The following NBPF12 variants were observed in gnomAD, a reference collection of about 807,000 sequenced individuals.
The protein encoded by NBPF12 is NBPF member 12.
Under a neutral mutation model 146.4 loss-of-function variants are expected in NBPF12, and 115 were observed. The ratio of observed to expected loss-of-function variants is 0.79; its 90% CI spans 0.68 to 0.92. The LOEUF (loss-of-function observed/expected upper bound fraction) is 0.92. Ranked by LOEUF, NBPF12 falls within the 40% of genes least tolerant of loss-of-function variation. NBPF12 has a pLI of 0.00. For synonymous variants in NBPF12, 385 were observed against 508.9 expected, an observed-to-expected ratio of 0.76 and a Z score of 3.28; for missense variants, 1,205 against 1,326.8, an observed-to-expected ratio of 0.91 and a Z score of 1.43.
At chr1:146,972,480 G>C (rs1424926574) in intron 13 of NBPF12, among the ~76,000 whole-genome samples, 2 of 151,526 alleles carry the variant, frequency 1.3e-5, no homozygotes, top group East Asian at 3.9e-4. Context: ...GGCCACTCAT[G>C]GGGTAAAAAT....
At position 146,969,988 on chromosome 1, in the gene NBPF12, G is replaced by C. The variant is rs1256480052; in HGVS notation, c.1306+392G>C. On this transcript the variant is annotated intron_variant, in intron 11 of 33. Transcript: ENST00000617844. ...GGTGAGTGAGTGATTTATCTTTCCA[G>C]AGTTTCTCTCTCTCCATCTGCAAAG... is the stretch of plus-strand genomic sequence containing the variant. Among the ~76,000 whole-genome samples the C allele has an allele frequency of 4.7e-4, 70 of 150,276 alleles. 1 individual carries two copies. The highest frequency in any genetic ancestry group is 9.0e-4 in the Non-Finnish European group (61 of 67,888).
chr1:146,975,393 G>A (rs1186020353), intron 15 of NBPF12, among the ~76,000 whole-genome samples: 2 of 148,770 alleles, frequency 1.3e-5, no homozygotes, highest in East Asian at 2.0e-4. Context: ...GAACTGAAAG[G>A]ATGTCTTTTT....
chr1:146,964,492 A>G (rs1322920251), intron 7 of NBPF12, 63 bp downstream of exon 10: 60 of 1,590,536 alleles, frequency 3.8e-5, no homozygotes, highest in Middle Eastern at 2.2e-4. Context: ...TAGAAGGCAC[A>G]CCCTCTCTGG....
Position 146,984,746 on chromosome 1 carries a change from A to G in NBPF12, c.2667-67A>G, listed in dbSNP as rs1315951492. On this transcript the variant is annotated intron_variant, in intron 21 of 33. Coordinates refer to ENST00000617844, the Ensembl canonical transcript of NBPF12. The stretch of plus-strand genomic sequence containing the variant: ...AACTCTTCCTTATGTTAGCCATGAA[A>G]TCTAGCTGGGGCTGTGTGGTTTCTG... 7.8e-5 allele frequency: 64 copies of G among 822,460 alleles called. No individual in the cohort carries two copies. In the East Asian group the frequency reaches 1.6e-3, roughly 20 times the overall value. The allele number at this position is 822,460 out of a possible 1,614,324, so 50.9% of individuals were successfully genotyped here.
chr1:146,960,186 A>G (rs1655765556), exon 4 of NBPF12: 9 of 744,186 alleles, frequency 1.2e-5, no homozygotes, highest in Non-Finnish European at 2.1e-5. Context: ...GAAGGCAGAG[A>G]TGAACATTCT....
rs587666602 is a variant in NBPF12, at chr1:146,994,666, G to A, written c.*91G>A. The A allele has an allele frequency of 5.1e-6, 8 of 1,566,882 alleles. No homozygotes were observed. In the South Asian group the frequency reaches 5.8e-5, roughly 11 times the overall value. ...AATGAAACTATAGTTCCATTTGGAA[G>A]CCCAGACATAGGATGGGTCAGTGGG... On this transcript the variant is annotated 3_prime_UTR_variant, in exon 34 of 34. Transcript: ENST00000617844.
chr1:146,969,998 C>T (rs1250345365), intron 11 of NBPF12, among the ~76,000 whole-genome samples: 3 of 150,142 alleles, frequency 2.0e-5, no homozygotes, highest in South Asian at 4.2e-4. Context: ...GAGTTTCTCT[C>T]TCTCCATCTG....
intron 4 of NBPF12, among the ~76,000 whole-genome samples, chr1:146,961,392 A>C (rs1453420948): frequency 6.6e-6 from 1 of 151,730 alleles, no homozygotes; most frequent in African/African-American, 2.4e-5. Context: ...TTCAGAGGGT[A>C]CTACAATAAT....
upstream of NBPF12, among the ~76,000 whole-genome samples, chr1:146,946,416 T>G (rs1655069361): frequency 6.6e-6 from 1 of 151,468 alleles, no homozygotes; most frequent in South Asian, 2.1e-4. Context: ...CTCGTTGTTT[T>G]AATGTGCAAT....
In NBPF12 at chr1:146,964,879, A is replaced by T; in HGVS notation, c.567-14A>T. 1 of 1,559,318 alleles carries T rather than the reference A, an allele frequency of 6.4e-7. No individual in the cohort carries two copies. The highest frequency in any genetic ancestry group is 8.8e-7 in the Non-Finnish European group (1 of 1,133,976). On this transcript the variant is annotated splice_polypyrimidine_tract_variant and intron_variant, in intron 7 of 33. Coordinates refer to ENST00000617844, the Ensembl canonical transcript of NBPF12. Reference sequence around the variant, plus strand: ...TTTAATCTTCTGTCATCTCTGTCCCACCTGGCTCATCAGGGAGGTGCAGAA... The same window carrying T: ...TTTAATCTTCTGTCATCTCTGTCCCTCCTGGCTCATCAGGGAGGTGCAGAA...
At chr1:146,972,802 G>A (rs1260599804) in exon 14 of NBPF12, 3 of 1,333,356 alleles carry the variant, frequency 2.2e-6, no homozygotes, top group Non-Finnish European at 3.2e-6. Flanking sequence ...GTATCAGCCG[G>A]CCCTTTGTCC....
At chr1:146,956,563 A>T (rs1655599256) in intron 2 of NBPF12, among the ~76,000 whole-genome samples, 1 of 151,814 alleles carries the variant, frequency 6.6e-6, no homozygotes, top group African/African-American at 2.4e-5. Context: ...AGCAGCTAGA[A>T]AATGAAATTC....
upstream of NBPF12, among the ~76,000 whole-genome samples, chr1:146,948,255 C>T (rs1227397258): frequency 1.3e-5 from 2 of 151,636 alleles, no homozygotes; most frequent in East Asian, 1.9e-4. Flanking sequence ...AAGTGATCCA[C>T]CTGCTTGGCC....
At chr1:146,965,864 T>G (rs1656169348) in intron 8 of NBPF12, among the ~76,000 whole-genome samples, 1 of 143,594 alleles carries the variant, frequency 7.0e-6, no homozygotes, top group South Asian at 2.3e-4. Context: ...TCCCAGCACT[T>G]TGAGAGGCCG....
At chr1:146,944,916 C>A (rs1654958024), upstream of NBPF12, among the ~76,000 whole-genome samples, 1 of 123,850 alleles carries the variant, frequency 8.1e-6, no homozygotes, top group Non-Finnish European at 1.7e-5. Flanking sequence ...CCCTTCCTCC[C>A]TCCCTCCCTG....
At chr1:146,948,773 G>T (rs1213297996), upstream of NBPF12, among the ~76,000 whole-genome samples, 6 of 151,434 alleles carry the variant, frequency 4.0e-5, no homozygotes, top group Admixed American at 3.9e-4. Flanking sequence ...AGGAAGGAAG[G>T]CCTCTTTGCA....
At chr1:146,943,948 A>C (rs1433045076) in intron 2 of NBPF12, among the ~76,000 whole-genome samples, 1 of 128,878 alleles carries the variant, frequency 7.8e-6, no homozygotes, top group Non-Finnish European at 1.6e-5. Flanking sequence ...TTCATGGCTC[A>C]CCCCCTCCCT....
chr1:146,969,661 A>G, intron 11 of NBPF12, 65 bp downstream of exon 14: 5 of 1,538,002 alleles, frequency 3.3e-6, no homozygotes, highest in Non-Finnish European at 4.5e-6. Context: ...AGACCTCCAT[A>G]CTTTCACAAT....
intron 19 of NBPF12, among the ~76,000 whole-genome samples, chr1:146,981,270 A>G: frequency 1.4e-5 from 1 of 72,844 alleles, no homozygotes; most frequent in East Asian, 5.3e-4. Flanking sequence ...CCTAAGACTT[A>G]AAGTATTAAA....
Sources: gnomAD v4.1 joint callset for allele counts (sites outside exome capture counted in the v4.1 genomes callset) on GRCh38, gnomAD v4.1.1 for gene constraint, MANE v1.5 for transcripts, NCBI Gene and HGNC (gene_info 2026-07-23, HGNC 2026-07-21) for gene names.